MYH1: variants seen among roughly 807,000 people sequenced by gnomAD.
The protein encoded by MYH1 is myosin-1.
MYH1 carries 214 observed loss-of-function variants against 225.6 expected under a neutral mutation model. That is an observed-to-expected ratio of 0.95 (90% CI 0.85 to 1.06). MYH1 has a LOEUF of 1.06. Among genes scored for constraint, MYH1 ranks in the 50% least tolerant of loss-of-function variants. The probability of loss-of-function intolerance (pLI) is 0.00; values close to 1 mark genes in which losing one functional copy is unlikely to be tolerated. For missense variants in MYH1, 2,098 were observed against 2,344.2 expected (o/e 0.89, Z 2.17); for synonymous variants, 774 against 842.3 (o/e 0.92, Z 1.40).
At chr17:10,492,719 T>G in intron 39 of MYH1, 151 bp from the exon 40 acceptor site, 1 of 918,840 alleles carries the variant, frequency 1.1e-6, no homozygotes, top group Non-Finnish European at 1.5e-6. Flanking sequence ...TTTTTATTTT[T>G]TTTTATTTTT....
At position 10,509,657 on chromosome 17, in the gene MYH1, T is replaced by A; in HGVS notation, c.1417-2A>T. 6.2e-7 allele frequency: 1 copy of A among 1,614,238 alleles called. No individual in the cohort carries two copies. Among genetic ancestry groups the A allele is most frequent in the East Asian group, 2.2e-5 (1 of 44,892 alleles). On this transcript the variant is annotated splice_acceptor_variant, in intron 14 of 39. Coordinates refer to ENST00000226207, the MANE Select transcript of MYH1 (RefSeq NM_005963.4). LOFTEE classifies it high-confidence loss of function. ...GCACAGCTGCTCCAGGCTGTTGAACTAAATGAGTTGAAAATACAAATTAGC... is the reference window on the plus strand; with the variant it reads ...GCACAGCTGCTCCAGGCTGTTGAACAAAATGAGTTGAAAATACAAATTAGC...
chr17:10,508,263 C>T lies in MYH1; in HGVS notation c.1897+100G>A, dbSNP rs898228202. 3.0e-6 allele frequency: 4 copies of T among 1,343,752 alleles called. No individual in the cohort carries two copies. In the Middle Eastern group the frequency reaches 7.2e-4, roughly 241 times the overall value. 83.2% of individuals were successfully genotyped at this position (1,343,752 alleles called of 1,614,324 possible). ...TGAACTCCTGACCTCAGGCAATCTA[C>T]CCACCTTGGCCTCCCAAAATGCTGG... On this transcript the variant is annotated intron_variant, in intron 16 of 39. Coordinates refer to ENST00000226207, the MANE Select transcript of MYH1 (RefSeq NM_005963.4).
Position 10,513,634 on chromosome 17 carries a change from A to G in MYH1, c.797T>C (p.Ile266Thr). ...GTTGKLASAD[I>T]ETYLLEKSRV... The stretch of plus-strand genomic sequence containing the variant: ...GAGGTCCTGTTACTCACATGTTTCA[A>G]TATCAGCAGAAGCCAGTTTCCCTGT... Residue 266 changes from isoleucine to threonine, a missense_variant, in exon 9 of 40, where the codon ATT becomes ACT. By Grantham distance (89) the Ile-to-Thr change is moderately conservative (BLOSUM62 -1). Coordinates refer to ENST00000226207, the MANE Select transcript of MYH1 (RefSeq NM_005963.4). 1.2e-6 allele frequency: 2 copies of G among 1,614,028 alleles called. No homozygotes were observed. The highest frequency in any genetic ancestry group is 1.7e-5 in the Admixed American group (1 of 60,024).
chr17:10,512,254 C>T (rs2073177616), intron 12 of MYH1, 62 bp from the exon 13 acceptor site: 2 of 1,586,014 alleles, frequency 1.3e-6, no homozygotes, highest in South Asian at 1.1e-5. Context: ...TTCAAAGGGG[C>T]ATAGTATTGA....
chr17:10,514,897 T>G lies in MYH1; in HGVS notation c.506-2A>C. ...TCAAGATAGACTGATTCTCCCGATC[T>G]AGAAGAAAAACAGTGGAAAATCAGC... On this transcript the variant is annotated splice_acceptor_variant, in intron 5 of 39. Transcript: ENST00000226207. LOFTEE classifies it high-confidence loss of function. 1 of 1,612,544 alleles carries G rather than the reference T, an allele frequency of 6.2e-7. No individual in the cohort carries two copies. The highest frequency in any genetic ancestry group is 8.5e-7 in the Non-Finnish European group (1 of 1,178,884).
At chr17:10,515,010 A>G in intron 5 of MYH1, 115 bp from the exon 6 acceptor site, 1 of 909,572 alleles carries the variant, frequency 1.1e-6, no homozygotes, top group East Asian at 2.4e-5. Context: ...GTTTTTCAAT[A>G]TATTATGGTA....
Position 10,509,473 on chromosome 17 carries a change from A to C in MYH1, c.1587+12T>G, listed in dbSNP as rs1277610374. 1 of 1,614,086 alleles carries C rather than the reference A, an allele frequency of 6.2e-7. No individual in the cohort carries two copies. Among genetic ancestry groups the C allele is most frequent in the Non-Finnish European group, 8.5e-7 (1 of 1,179,994 alleles). On this transcript the variant is annotated intron_variant, in intron 15 of 39. Coordinates refer to ENST00000226207, the MANE Select transcript of MYH1 (RefSeq NM_005963.4). ...AGCAGTATGATCTGTGGTCTGCAAA[A>C]AGCAAGCCAACCTTCTCGATGAGCT...
In MYH1 at chr17:10,500,640, A is replaced by T; in HGVS notation, c.3851T>A (p.Leu1284Gln). 1 of 1,613,462 alleles carries T rather than the reference A, an allele frequency of 6.2e-7. No individual in the cohort carries two copies. The highest frequency in any genetic ancestry group is 8.5e-7 in the Non-Finnish European group (1 of 1,180,026). The change falls in exon 28 of 40, where the codon CTG (leucine) becomes CAG (glutamine). Residue 1284 changes from leucine (L) to glutamine (Q), a missense_variant. Leu to Gln is a moderately radical substitution (Grantham distance 113). Transcript: ENST00000226207. ...INDLTAQRAR[L>Q]QTESGEYSRQ... is the part of the protein sequence containing the mutation. ...ACATGGCCCACCTGATTCTGTTTGC[A>T]GGCGCGCTCTCTGTGCTGTGAGGTC...
In MYH1 at chr17:10,513,900, T is replaced by A; in HGVS notation, c.662A>T (p.Asp221Val). ...TAGGGGGTTGGCACTGATGATTTGA[T>A]CTTCCAGAGTCCCCTGCAAAGGCAA... The part of the protein sequence containing the change: ...TSGKMQGTLE[D>V]QIISANPLLE... The change falls in exon 8 of 40, where the codon GAT (aspartate) becomes GTT (valine). Residue 221 changes from aspartate to valine, a missense_variant. Asp to Val is a radical substitution (Grantham distance 152). Coordinates refer to ENST00000226207, the MANE Select transcript of MYH1 (RefSeq NM_005963.4). 5.0e-6 allele frequency: 8 copies of A among 1,614,152 alleles called. No homozygotes were observed. Among genetic ancestry groups the A allele is most frequent in the Non-Finnish European group, 6.8e-6 (8 of 1,179,994 alleles).
In MYH1 at chr17:10,498,750, C is replaced by T; in HGVS notation, c.4057G>A (p.Glu1353Lys). ...AGCTCGGCCTTGGCTTCCTGCTCCTCCTCATACTGTTCCCGCAGCAGGTCA... is the reference window on the plus strand; with the variant it reads ...AGCTCGGCCTTGGCTTCCTGCTCCTTCTCATACTGTTCCCGCAGCAGGTCA... ...DCDLLREQYE[E>K]EQEAKAELQR... Residue 1353 changes from glutamate (E) to lysine (K), a missense_variant, in exon 30 of 40, where the codon GAG (glutamate) becomes AAG (lysine). By Grantham distance (56) the Glu-to-Lys change is moderately conservative. Transcript: ENST00000226207. 1 of 1,614,208 alleles carries T rather than the reference C, an allele frequency of 6.2e-7. No individual in the cohort carries two copies. The highest frequency in any genetic ancestry group is 8.5e-7 in the Non-Finnish European group (1 of 1,180,018).
In MYH1 at chr17:10,495,345, T is replaced by C. The variant is rs1332458313; in HGVS notation, c.5170-28A>G. 11 of 1,613,436 alleles carry C rather than the reference T, an allele frequency of 6.8e-6. 1 individual carries two copies. Among genetic ancestry groups the C allele is most frequent in the African/African-American group, 6.7e-5 (5 of 74,838 alleles). On this transcript the variant is annotated intron_variant, in intron 35 of 39. Transcript: ENST00000226207. ...GTTTAAAATGTGAAATTTAGAAATA[T>C]TAGGCACATGAGAGAAAAATTAGGA...
chr17:10,503,357 A>G lies in MYH1; in HGVS notation c.2692-109T>C, dbSNP rs1023617177. 3.5e-6 allele frequency: 5 copies of G among 1,437,726 alleles called. No homozygotes were observed. In the African/African-American group the frequency reaches 7.2e-5, roughly 21 times the overall value. 89.1% of individuals were successfully genotyped at this position (1,437,726 alleles called of 1,614,324 possible). On this transcript the variant is annotated intron_variant, in intron 22 of 39. Transcript: ENST00000226207. ...GTAAATTGTTTTAAGCCTTCAGGTTAATTTTTATTAGCTTTCTACCATTCA... is the reference window on the plus strand; with the variant it reads ...GTAAATTGTTTTAAGCCTTCAGGTTGATTTTTATTAGCTTTCTACCATTCA...
Position 10,508,451 on chromosome 17 carries a change from G to T in MYH1, c.1809C>A (p.Pro603=), listed in dbSNP as rs755140658. 4 of 1,614,056 alleles carry T rather than the reference G, an allele frequency of 2.5e-6. No individual in the cohort carries two copies. Among genetic ancestry groups the T allele is most frequent in the South Asian group, 1.1e-5 (1 of 91,086 alleles). The change falls in exon 16 of 40, where the codon CCC becomes CCA. Residue 603 remains proline (P), a synonymous_variant. Transcript: ENST00000226207. ...ACAGCCCCACCACAGTCTCATTCAGGGGGTCCTTGTTCTTGTCAAGCCAGC... is the reference window on the plus strand; with the variant it reads ...ACAGCCCCACCACAGTCTCATTCAGTGGGTCCTTGTTCTTGTCAAGCCAGC... The part of the protein sequence containing the change: ...IAGWLDKNKD[P]LNETVVGLYQ...
chr17:10,495,066 C>T lies in MYH1; in HGVS notation c.5331G>A (p.Gln1777=). The change falls in exon 37 of 40, where the codon CAG becomes CAA. Residue 1777 remains glutamine, a synonymous_variant. Coordinates refer to ENST00000226207, the MANE Select transcript of MYH1 (RefSeq NM_005963.4). ...TCCGCTCCAGATGGGCGCTGGTGTCCTGTTCCTTCTTCAGCTCCTCAGCCA... is the reference window on the plus strand; with the variant it reads ...TCCGCTCCAGATGGGCGCTGGTGTCTTGTTCCTTCTTCAGCTCCTCAGCCA... The part of the protein sequence containing the change: ...AMMAEELKKE[Q]DTSAHLERMK... 1 of 1,614,224 alleles carries T rather than the reference C, an allele frequency of 6.2e-7. No individual in the cohort carries two copies.
intron 17 of MYH1, 55 bp from the exon 18 acceptor site, chr17:10,506,154 A>G: frequency 6.3e-7 from 1 of 1,592,702 alleles, no homozygotes; most frequent in East Asian, 2.2e-5. Context: ...CTACATTCAT[A>G]TTTATAGACA....
At chr17:10,513,967 G>A in intron 7 of MYH1, 43 bp downstream of exon 7, 1 of 1,613,918 alleles carries the variant, frequency 6.2e-7, no homozygotes, top group Non-Finnish European at 8.5e-7. Context: ...TCCTACCTGA[G>A]AGTCCCGACA....
intron 14 of MYH1, among the ~76,000 whole-genome samples, chr17:10,510,786 A>AG (rs36100235): frequency 6.6e-6 from 1 of 151,890 alleles, no homozygotes; most frequent in Non-Finnish European, 1.5e-5. Context: ...TCTGTGGCCT[A>AG]GGGGGAGGAC....
chr17:10,501,640 T>G lies in MYH1; in HGVS notation c.3302A>C (p.Glu1101Ala), dbSNP rs200277513. 36 of 1,614,250 alleles carry G rather than the reference T, an allele frequency of 2.2e-5. 1 individual carries two copies. In the Middle Eastern group the frequency reaches 4.9e-4, roughly 22 times the overall value. ...MSGLQSKIED[E>A]QALGMQLQKK... ...CTGCAGCTGCATACCAAGGGCTTGTTCATCTTCAATCTTGCTTTGCAGACC... is the reference window on the plus strand; with the variant it reads ...CTGCAGCTGCATACCAAGGGCTTGTGCATCTTCAATCTTGCTTTGCAGACC... Residue 1101 changes from glutamate (E) to alanine (A), a missense_variant, in exon 26 of 40, where the codon GAA (glutamate) becomes GCA (alanine). Glu to Ala is a moderately radical substitution (Grantham distance 107). Coordinates refer to ENST00000226207, the MANE Select transcript of MYH1 (RefSeq NM_005963.4).
intron 17 of MYH1, 92 bp downstream of exon 17, chr17:10,507,794 C>G: frequency 9.4e-7 from 1 of 1,068,778 alleles, no homozygotes; most frequent in Non-Finnish European, 1.4e-6. Flanking sequence ...CACATCAGTT[C>G]TAGAATCCTT....
Sources: allele counts gnomAD v4.1 joint callset (sites outside exome capture counted in the v4.1 genomes callset), GRCh38; gene constraint gnomAD v4.1.1; transcripts MANE v1.5; gene names NCBI Gene and HGNC (gene_info 2026-07-23, HGNC 2026-07-21).